Variants in NUAK1 observed in about 807,000 individuals in gnomAD.
NUAK1 encodes the protein NUAK family SNF1-like kinase 1.
A neutral mutation model predicts 56.9 loss-of-function variants in NUAK1; 26 were observed. The ratio of observed to expected loss-of-function variants is 0.46; its 90% confidence interval spans 0.33 to 0.63. The LOEUF is 0.63. Among genes scored for constraint, NUAK1 ranks in the 30% least tolerant of loss-of-function variants. The pLI, the probability that NUAK1 is intolerant of heterozygous loss-of-function variation, is 0.02. For synonymous variants in NUAK1, 337 were observed against 336.0 expected (o/e 1.00, Z -0.03); for missense variants, 727 against 876.1 (o/e 0.83, Z 2.15).
At chr12:106,084,852 T>G (rs1159539018) in intron 3 of NUAK1, among the ~76,000 whole-genome samples, 1 of 152,244 alleles carries the variant, frequency 6.6e-6, no homozygotes, top group Non-Finnish European at 1.5e-5. Context: ...TGAATGATTC[T>G]GAACATCATT....
At chr12:106,126,552 G>C (rs2033026510) in intron 1 of NUAK1, among the ~76,000 whole-genome samples, 1 of 152,202 alleles carries the variant, frequency 6.6e-6, no homozygotes, top group Non-Finnish European at 1.5e-5. Context: ...TAAGAATTCA[G>C]TGAGATGACA....
At position 106,136,012 on chromosome 12, in the gene NUAK1, A is replaced by G. The variant is rs543646783; in HGVS notation, c.240+2402T>C. On this transcript the variant is annotated intron_variant, in intron 1 of 6. Coordinates refer to ENST00000261402, the MANE Select transcript of NUAK1 (RefSeq NM_014840.3). ...ACTAAAGTTCTTAACACCATCTGTG[A>G]GCAGTGTGCTCAGCAGGGGGAGGAC... Among the ~76,000 whole-genome samples the G allele has an allele frequency of 3.9e-5, 6 of 152,284 alleles. No individual in the cohort carries two copies. In the East Asian group the frequency reaches 9.7e-4, roughly 24 times the overall value.
chr12:106,124,474 CA>C (rs1384868090), intron 1 of NUAK1, among the ~76,000 whole-genome samples: 1 of 152,084 alleles, frequency 6.6e-6, no homozygotes, highest in Non-Finnish European at 1.5e-5. Context: ...CATCAGTAGG[CA>C]AAACTGATGA....
At chr12:106,069,874 T>C (rs746480346) in intron 6 of NUAK1, among the ~76,000 whole-genome samples, 2 of 152,090 alleles carry the variant, frequency 1.3e-5, no homozygotes, top group Non-Finnish European at 2.9e-5. Flanking sequence ...AAATGACCAA[T>C]GATGGCCAGC....
At chr12:106,080,331 G>A (rs1475349723) in intron 4 of NUAK1, among the ~76,000 whole-genome samples, 1 of 152,198 alleles carries the variant, frequency 6.6e-6, no homozygotes, top group Non-Finnish European at 1.5e-5. Flanking sequence ...GCTGACCCTG[G>A]TGCCTGGACC....
chr12:106,137,515 T>C (rs2033140995), intron 1 of NUAK1, among the ~76,000 whole-genome samples: 1 of 152,158 alleles, frequency 6.6e-6, no homozygotes, highest in Non-Finnish European at 1.5e-5. Context: ...CCACAAGCAG[T>C]GTGGATTTCA....
chr12:106,098,672 C>A (rs1317827550), intron 2 of NUAK1, among the ~76,000 whole-genome samples: 1 of 152,120 alleles, frequency 6.6e-6, no homozygotes, highest in Non-Finnish European at 1.5e-5. Flanking sequence ...GAATCTCCCC[C>A]ACCCCTCCAC....
intron 5 of NUAK1, among the ~76,000 whole-genome samples, chr12:106,071,455 A>C (rs2032406145): frequency 6.6e-6 from 1 of 152,198 alleles, no homozygotes; most frequent in South Asian, 2.1e-4. Context: ...GATGGAGACA[A>C]ACTGTACAGT....
At chr12:106,111,382 C>T (rs1042797984) in intron 1 of NUAK1, among the ~76,000 whole-genome samples, 2 of 150,908 alleles carry the variant, frequency 1.3e-5, no homozygotes, top group Non-Finnish European at 3.0e-5. Context: ...GTCCTGGTGT[C>T]TTATGGAGAG....
At chr12:106,136,745 T>C (rs952500804) in intron 1 of NUAK1, among the ~76,000 whole-genome samples, 2 of 152,230 alleles carry the variant, frequency 1.3e-5, no homozygotes, top group Non-Finnish European at 2.9e-5. Context: ...CCCAGTGCGA[T>C]TCTTCAGCAG....
chr12:106,072,734 C>T lies in NUAK1; in HGVS notation c.689G>A (p.Arg230Gln), dbSNP rs764908737. Residue 230 changes from arginine to glutamine, a missense_variant, in exon 5 of 7, where the codon CGA becomes CAA. Coordinates refer to ENST00000261402, the MANE Select transcript of NUAK1 (RefSeq NM_014840.3). The stretch of plus-strand genomic sequence containing the variant: ...GGGAAAGCTGCTCACCTCTGGCCCT[C>T]GGTAAGGTCTCCCATTGACAATCTC... ...SPEIVNGRPY[R>Q]GPEVDSWALG... The T allele has an allele frequency of 8.7e-6, 14 of 1,613,654 alleles. No homozygotes were observed. The highest frequency in any genetic ancestry group is 3.3e-5 in the Admixed American group (2 of 59,986).
chr12:106,082,921 G>T (rs2032532354), intron 4 of NUAK1, among the ~76,000 whole-genome samples: 1 of 152,180 alleles, frequency 6.6e-6, no homozygotes, highest in Non-Finnish European at 1.5e-5. Flanking sequence ...GCGGCCAATT[G>T]GAGGGCTCCT....
At chr12:106,112,191 C>T (rs182860687) in intron 1 of NUAK1, among the ~76,000 whole-genome samples, 2 of 152,208 alleles carry the variant, frequency 1.3e-5, no homozygotes, top group Non-Finnish European at 2.9e-5. Context: ...AGTTTGCATC[C>T]TAATCCCAGC....
chr12:106,082,642 C>T (rs964252231), intron 4 of NUAK1, among the ~76,000 whole-genome samples: 3 of 152,210 alleles, frequency 2.0e-5, no homozygotes, highest in Non-Finnish European at 2.9e-5. Context: ...CTATTTCCTG[C>T]TTATTCTATA....
intron 2 of NUAK1, among the ~76,000 whole-genome samples, chr12:106,090,102 G>A (rs1048153893): frequency 3.9e-5 from 6 of 152,134 alleles, no homozygotes; most frequent in Non-Finnish European, 7.3e-5. Flanking sequence ...GCATCCAGAA[G>A]AACTCATATG....
intron 1 of NUAK1, 114 bp from the exon 2 acceptor site, chr12:106,106,639 C>G: frequency 9.3e-7 from 1 of 1,080,398 alleles, no homozygotes; most frequent in Non-Finnish European, 1.3e-6. Flanking sequence ...CTGACAATAA[C>G]CAAAACAAAG....
Position 106,124,220 on chromosome 12 carries a change from C to A in NUAK1, c.240+14194G>T, listed in dbSNP as rs139464302. ...CCTGATTCCCTAATCCCTCAACTAG[C>A]AGGAATAATAATAAACCATCCCAAT... On this transcript the variant is annotated intron_variant, in intron 1 of 6. Transcript: ENST00000261402. Among the ~76,000 whole-genome samples the A allele has an allele frequency of 5.8e-4, 88 of 152,266 alleles. 1 individual carries two copies. The East Asian group carries it at 0.014, about 24-fold the overall frequency.
chr12:106,084,032 T>A (rs2032547532), intron 3 of NUAK1, 103 bp from the exon 4 acceptor site: 1 of 988,512 alleles, frequency 1.0e-6, no homozygotes, highest in African/African-American at 1.6e-5. Flanking sequence ...GTCTGACAGA[T>A]TAAAGAAATG....
intron 4 of NUAK1, 55 bp from the exon 5 acceptor site, chr12:106,072,898 T>C: frequency 6.2e-7 from 1 of 1,606,080 alleles, no homozygotes; most frequent in Non-Finnish European, 8.5e-7. Context: ...ATTATGTCTG[T>C]GTTGGATCAG....
Sources: gnomAD v4.1 joint callset for allele counts (sites outside exome capture counted in the v4.1 genomes callset) on GRCh38, gnomAD v4.1.1 for gene constraint, MANE v1.5 for transcripts, NCBI Gene and HGNC (gene_info 2026-07-23, HGNC 2026-07-21) for gene names.